PNMA8A: variants seen among roughly 807,000 people sequenced by gnomAD.
PNMA8A encodes the protein paraneoplastic antigen-like protein 8A.
In PNMA8A, 17 loss-of-function variants were observed where a neutral mutation model predicts 26.6. That is an observed-to-expected ratio of 0.64 (90% CI 0.44 to 0.96). PNMA8A has a LOEUF of 0.96. PNMA8A is among the 40% of genes least tolerant of loss of function. The probability of loss-of-function intolerance (pLI) is 0.00; values close to 1 mark genes in which losing one functional copy is unlikely to be tolerated. For missense variants in PNMA8A, 532 were observed against 488.4 expected, an observed-to-expected ratio of 1.09 and a Z score of -0.84; for synonymous variants, 224 against 182.0, an observed-to-expected ratio of 1.23 and a Z score of -1.86.
chr19:46,468,260 A>G lies in PNMA8A; in HGVS notation c.*301T>C. On this transcript the variant is annotated 3_prime_UTR_variant, in exon 3 of 3. Coordinates refer to ENST00000313683, the MANE Select transcript of PNMA8A (RefSeq NM_018215.4). ...TAACAGTGACCCTGCTCATGCATAAAGGGGAATGAATGTTCTAGAATTTTC... is the reference window on the plus strand; with the variant it reads ...TAACAGTGACCCTGCTCATGCATAAGGGGGAATGAATGTTCTAGAATTTTC... The G allele has an allele frequency of 2.4e-6, 1 of 424,098 alleles. No individual in the cohort carries two copies. 26.3% of individuals were successfully genotyped at this position (424,098 alleles called of 1,614,324 possible).
chr19:46,468,458 C>T lies in PNMA8A; in HGVS notation c.*103G>A. On this transcript the variant is annotated 3_prime_UTR_variant, in exon 3 of 3. Transcript: ENST00000313683. Reference sequence around the variant, plus strand: ...AGGGCCAGATCTCTATCAACAGGGGCCCTAAGAGAGTCCAAAGTCTTATTC... The same window carrying T: ...AGGGCCAGATCTCTATCAACAGGGGTCCTAAGAGAGTCCAAAGTCTTATTC... 3 of 1,062,712 alleles carry T rather than the reference C, an allele frequency of 2.8e-6. No individual in the cohort carries two copies. The highest frequency in any genetic ancestry group is 4.4e-6 in the Non-Finnish European group (3 of 679,986). The allele number at this position is 1,062,712 out of a possible 1,614,324, so 65.8% of individuals were successfully genotyped here.
rs770793919 is a variant in PNMA8A at position 46,471,003 on chromosome 19, C to T, written c.33G>A (p.Glu11=). The T allele has an allele frequency of 1.3e-5, 10 of 777,012 alleles. No homozygotes were observed. Among genetic ancestry groups the T allele is most frequent in the East Asian group, 7.3e-5 (3 of 41,162 alleles). 48.1% of individuals were successfully genotyped at this position (777,012 alleles called of 1,614,324 possible). ...CCACTTCCATTCCCCTGCACCAATCCTCCAGAAGGTTCATCGCCATGGTCT... is the reference window on the plus strand; with the variant it reads ...CCACTTCCATTCCCCTGCACCAATCTTCCAGAAGGTTCATCGCCATGGTCT... MSKTMAMNLL[E]DWCRGMEVDI... Residue 11 remains glutamate, a synonymous_variant, in exon 2 of 3, where the codon GAG becomes GAA. Coordinates refer to ENST00000313683, the MANE Select transcript of PNMA8A (RefSeq NM_018215.4).
rs1306430186 is a variant in PNMA8A at position 46,469,738 on chromosome 19, G to A, written c.1298C>T (p.Thr433Ile). Residue 433 changes from threonine to isoleucine, a missense_variant, in exon 2 of 3, where the codon ACC (threonine) becomes ATC (isoleucine). Transcript: ENST00000313683. ...ACTTCTGCTATCATTCTCACCATTG[G>A]TGGCACGCCGAGGAGAGCCTTCTGG... is the stretch of plus-strand genomic sequence containing the variant. ...AKPEGSPRRATNESRKV is the reference protein window; with the variant it reads ...AKPEGSPRRAINESRKV The A allele has an allele frequency of 7.5e-6, 12 of 1,604,420 alleles. No homozygotes were observed. In the South Asian group the frequency reaches 1.3e-4, roughly 18 times the overall value.
At position 46,469,991 on chromosome 19, in the gene PNMA8A, CCTT is replaced by C. The variant is rs761943773; in HGVS notation, c.1042_1044del (p.Lys348del). On this transcript the variant is annotated inframe_deletion, in exon 2 of 3. Transcript: ENST00000313683. ...TTCTTGGCAGACACCCAGGCCACGG[CCTT>C]CTTCTTTGGTGGGCTTTCATGGCCA... 6 of 1,607,028 alleles carry C rather than the reference CCTT, an allele frequency of 3.7e-6. No homozygotes were observed. Among genetic ancestry groups the C allele is most frequent in the Non-Finnish European group, 5.1e-6 (6 of 1,177,370 alleles).
In PNMA8A at chr19:46,471,441, C is replaced by A. The variant is rs189817646; in HGVS notation, c.-184G>T. 8.7e-5 allele frequency: 14 copies of A among 160,234 alleles called. No homozygotes were observed. The Middle Eastern group carries it at 0.013, about 145-fold the overall frequency. The allele number at this position is 160,234 out of a possible 1,614,324, so 9.9% of individuals were successfully genotyped here. On this transcript the variant is annotated 5_prime_UTR_variant, in exon 1 of 3. Transcript: ENST00000313683. ...GCTACCCCGGCGCCGCTGCTAGAGG[C>A]AGAAAGGGCCAAGAAGGCGCCGTCC...
At position 46,469,868 on chromosome 19, in the gene PNMA8A, T is replaced by C. The variant is rs746045674; in HGVS notation, c.1168A>G (p.Lys390Glu). 3 of 1,614,202 alleles carry C rather than the reference T, an allele frequency of 1.9e-6. No individual in the cohort carries two copies. The highest frequency in any genetic ancestry group is 2.5e-6 in the Non-Finnish European group (3 of 1,180,034). The stretch of plus-strand genomic sequence containing the variant: ...TCCCTTCTTGAGCCTGGCCCTTTCT[T>C]TGGCATCACCGGCTTCTTCCTGCCA... The part of the protein sequence containing the change: ...EDGRKKPVMP[K>E]KGPGSRREAS... The change falls in exon 2 of 3, where the codon AAG (lysine) becomes GAG (glutamate). Residue 390 changes from lysine to glutamate, a missense_variant. By Grantham distance (56) the Lys-to-Glu change is moderately conservative. Transcript: ENST00000313683.
intron 2 of PNMA8A, among the ~76,000 whole-genome samples, chr19:46,469,502 T>C (rs149524538): frequency 2.6e-5 from 4 of 152,186 alleles, no homozygotes; most frequent in Non-Finnish European, 4.4e-5. Context: ...TGCCACCTCC[T>C]GCCCACCAGA....
At chr19:46,468,832 T>G (rs992497545) in intron 2 of PNMA8A, among the ~76,000 whole-genome samples, 1 of 152,084 alleles carries the variant, frequency 6.6e-6, no homozygotes, top group Non-Finnish European at 1.5e-5. Context: ...CTTGGCTCCC[T>G]GCAACCTCCA....
Position 46,470,961 on chromosome 19 carries a change from C to G in PNMA8A, c.75G>C (p.Leu25Phe). The change falls in exon 2 of 3, where the codon TTG becomes TTC. Residue 25 changes from leucine to phenylalanine, a missense_variant. Transcript: ENST00000313683. The part of the protein sequence containing the change: ...RGMEVDIHRS[L>F]LVTGIPEDCG... ...AGTCCTCTGGGATGCCTGTGACCAA[C>G]AAGGACCTGTGGATGTCCACTTCCA... 1 of 780,974 alleles carries G rather than the reference C, an allele frequency of 1.3e-6. No individual in the cohort carries two copies. The highest frequency in any genetic ancestry group is 2.4e-6 in the Non-Finnish European group (1 of 418,110). The allele number at this position is 780,974 out of a possible 1,614,324, so 48.4% of individuals were successfully genotyped here.
chr19:46,468,747 T>A (rs1402675030), intron 2 of PNMA8A, among the ~76,000 whole-genome samples, 170 bp from the exon 3 acceptor site: 1 of 151,850 alleles, frequency 6.6e-6, no homozygotes, highest in African/African-American at 2.4e-5. Context: ...AACTCCAAAG[T>A]ATTAATATTT....
rs1251868928 is a variant in PNMA8A at position 46,467,273 on chromosome 19, T to C, written c.*1288A>G. On this transcript the variant is annotated 3_prime_UTR_variant, in exon 3 of 3. Coordinates refer to ENST00000313683, the MANE Select transcript of PNMA8A (RefSeq NM_018215.4). ...ATTACATCTTTGTGGACGGCTACGA[T>C]ACAGTTTGGAAACCATTATCTCAGG... is the stretch of plus-strand genomic sequence containing the variant. The C allele has an allele frequency of 6.6e-6, 1 of 152,102 alleles. No individual in the cohort carries two copies. The highest frequency in any genetic ancestry group is 2.4e-5 in the African/African-American group (1 of 41,410). The allele number at this position is 152,102 out of a possible 1,614,324, so 9.4% of individuals were successfully genotyped here. A position where few individuals can be genotyped will look rare whatever the true frequency, so the allele number is the denominator to read the frequency against.
rs1486199788 is a variant in PNMA8A, at chr19:46,470,905, T to C, written c.131A>G (p.Asn44Ser). 1.3e-6 allele frequency: 1 copy of C among 780,844 alleles called. No homozygotes were observed. The highest frequency in any genetic ancestry group is 1.7e-5 in the African/African-American group (1 of 59,126). 48.4% of individuals were successfully genotyped at this position (780,844 alleles called of 1,614,324 possible). ...CGQAEIEETL[N>S]GVLSPLGPYR... is the part of the protein sequence containing the mutation. ...CGGGCCCAGTGGGGAGAGGACCCCA[T>C]TCAAGGTCTCCTCAATTTCTGCCTG... is the stretch of plus-strand genomic sequence containing the variant. Residue 44 changes from asparagine (N) to serine (S), a missense_variant, in exon 2 of 3, where the codon AAT (asparagine) becomes AGT (serine). Asn to Ser is a conservative substitution (Grantham distance 46). Coordinates refer to ENST00000313683, the MANE Select transcript of PNMA8A (RefSeq NM_018215.4).
At chr19:46,468,612 A>C (rs765352600) in intron 2 of PNMA8A, 35 bp from the exon 3 acceptor site, 2 of 1,582,646 alleles carry the variant, frequency 1.3e-6, no homozygotes, top group Non-Finnish European at 1.7e-6. Context: ...CAAGAAGGGA[A>C]GCAGAGAGGT....
intron 2 of PNMA8A, among the ~76,000 whole-genome samples, chr19:46,469,348 G>A (rs896151537): frequency 6.6e-6 from 1 of 152,102 alleles, no homozygotes; most frequent in African/African-American, 2.4e-5. Context: ...GACCTCAGGC[G>A]ATCTGCCCAC....
intron 2 of PNMA8A, among the ~76,000 whole-genome samples, chr19:46,469,516 C>A (rs1434595078): frequency 3.3e-5 from 5 of 152,150 alleles, no homozygotes; most frequent in African/African-American, 4.8e-5. Flanking sequence ...CACCAGATGT[C>A]TCCAGCATCG....
rs1319781467 is a variant in PNMA8A at position 46,467,292 on chromosome 19, T to C, written c.*1269A>G. ...CTACGATACAGTTTGGAAACCATTA[T>C]CTCAGGGACCCTGCTCTCTCCTCTA... On this transcript the variant is annotated 3_prime_UTR_variant, in exon 3 of 3. Coordinates refer to ENST00000313683, the MANE Select transcript of PNMA8A (RefSeq NM_018215.4). The C allele has an allele frequency of 2.0e-5, 3 of 151,828 alleles. No individual in the cohort carries two copies. Among genetic ancestry groups the C allele is most frequent in the African/African-American group, 7.2e-5 (3 of 41,402 alleles). The allele number at this position is 151,828 out of a possible 1,614,324, so 9.4% of individuals were successfully genotyped here.
chr19:46,468,610 G>C (rs762115040), intron 2 of PNMA8A, 33 bp from the exon 3 acceptor site: 1 of 1,587,486 alleles, frequency 6.3e-7, no homozygotes, highest in Non-Finnish European at 8.6e-7. Context: ...ATCAAGAAGG[G>C]AAGCAGAGAG....
chr19:46,469,710 G>C (rs2288916), intron 2 of PNMA8A, 23 bp downstream of exon 2: 687,488 of 1,568,502 alleles, frequency 0.44, 153,774 homozygotes, highest in Admixed American at 0.55. Context: ...CACGAGCCCA[G>C]TCACTTCTGC....
chr19:46,469,714 C>T lies in PNMA8A; in HGVS notation c.1303+19G>A, dbSNP rs777100057. 3.2e-6 allele frequency: 5 copies of T among 1,586,842 alleles called. No individual in the cohort carries two copies. Among genetic ancestry groups the T allele is most frequent in the Non-Finnish European group, 4.3e-6 (5 of 1,168,506 alleles). On this transcript the variant is annotated intron_variant, in intron 2 of 2. Transcript: ENST00000313683. The stretch of plus-strand genomic sequence containing the variant: ...CCACTTGCTGGCACGAGCCCAGTCA[C>T]TTCTGCTATCATTCTCACCATTGGT...
Sources: gnomAD v4.1 joint callset for allele counts (sites outside exome capture counted in the v4.1 genomes callset) on GRCh38, gnomAD v4.1.1 for gene constraint, MANE v1.5 for transcripts, NCBI Gene and HGNC (gene_info 2026-07-23, HGNC 2026-07-21) for gene names.